Variants in SORCS1 observed in about 807,000 individuals in gnomAD.
SORCS1 encodes VPS10 domain-containing receptor SorCS1.
SORCS1 carries 60 observed loss-of-function variants against 146.1 expected under a neutral mutation model. The observed-to-expected ratio is 0.41, with a 90% CI of 0.33 to 0.51. The LOEUF (loss-of-function observed/expected upper bound fraction) is 0.51. Ranked by LOEUF, SORCS1 falls within the 20% of genes least tolerant of loss-of-function variation. SORCS1 has a pLI of 0.21. For missense variants in SORCS1, 1,352 were observed against 1,487.6 expected, an observed-to-expected ratio of 0.91 and a Z score of 1.50; for synonymous variants, 637 against 584.0, an observed-to-expected ratio of 1.09 and a Z score of -1.31.
At chr10:106,677,548 A>G (rs1852127611) in intron 12 of SORCS1, 144 bp from the exon 13 acceptor site, 1 of 672,330 alleles carries the variant, frequency 1.5e-6, no homozygotes, top group African/African-American at 1.8e-5. Context: ...AAAGCTATAG[A>G]ACAGTTCTTC....
At chr10:106,775,891 G>C (rs11193045) in intron 4 of SORCS1, among the ~76,000 whole-genome samples, 2 of 152,048 alleles carry the variant, frequency 1.3e-5, no homozygotes, top group Non-Finnish European at 2.9e-5. Context: ...TATATATGTC[G>C]TATAGAGTAC....
intron 1 of SORCS1, among the ~76,000 whole-genome samples, chr10:107,137,544 A>T (rs1414462172): frequency 2.6e-5 from 4 of 152,146 alleles, no homozygotes; most frequent in Non-Finnish European, 4.4e-5. Context: ...CTGTCCCAAA[A>T]CTGAAAACTA....
chr10:106,985,047 C>T (rs1956405357), intron 1 of SORCS1, among the ~76,000 whole-genome samples: 1 of 152,026 alleles, frequency 6.6e-6, no homozygotes, highest in African/African-American at 2.4e-5. Flanking sequence ...ATCAGCTGGG[C>T]ATGGTGGTGC....
chr10:107,131,543 C>A (rs184015698), intron 1 of SORCS1, among the ~76,000 whole-genome samples: 1 of 151,978 alleles, frequency 6.6e-6, no homozygotes, highest in Non-Finnish European at 1.5e-5. Flanking sequence ...GCCAACATGG[C>A]GAACCCCCCC....
At chr10:107,086,856 C>T (rs1171040517) in intron 1 of SORCS1, among the ~76,000 whole-genome samples, 2 of 152,140 alleles carry the variant, frequency 1.3e-5, no homozygotes, top group African/African-American at 2.4e-5. Context: ...GGTGAAACCT[C>T]GTCTCTAGTA....
At chr10:107,071,361 C>G (rs915417267) in intron 1 of SORCS1, among the ~76,000 whole-genome samples, 9 of 152,044 alleles carry the variant, frequency 5.9e-5, no homozygotes, top group African/African-American at 2.2e-4. Flanking sequence ...GAAAACTTAA[C>G]AAAAAGAAAA....
chr10:106,894,316 A>C (rs1229695593), intron 2 of SORCS1, among the ~76,000 whole-genome samples: 1 of 150,626 alleles, frequency 6.6e-6, no homozygotes, highest in African/African-American at 2.5e-5. Context: ...TGTAGGGAGA[A>C]TAGAAAGGCC....
At chr10:106,800,629 C>A (rs1234685504) in intron 3 of SORCS1, among the ~76,000 whole-genome samples, 1 of 151,264 alleles carries the variant, frequency 6.6e-6, no homozygotes, top group East Asian at 1.9e-4. Context: ...TCATGCCATT[C>A]CCCTACCTCA....
At chr10:106,873,483 ACT>A (rs1405212243) in intron 2 of SORCS1, among the ~76,000 whole-genome samples, 1 of 152,070 alleles carries the variant, frequency 6.6e-6, no homozygotes, top group Non-Finnish European at 1.5e-5. Context: ...TTCAGAAAAC[ACT>A]GTTTGAGGAA....
chr10:106,750,758 A>G (rs1275278083), intron 5 of SORCS1, among the ~76,000 whole-genome samples: 2 of 134,106 alleles, frequency 1.5e-5, no homozygotes, highest in South Asian at 2.4e-4. Flanking sequence ...AAAAAAAAAA[A>G]AAAGAAAAGA....
intron 18 of SORCS1, among the ~76,000 whole-genome samples, chr10:106,645,827 T>C (rs1325329403): frequency 1.3e-5 from 2 of 152,124 alleles, no homozygotes; most frequent in Non-Finnish European, 2.9e-5. Context: ...CTTTTTTCCC[T>C]CTAGGGCTTA....
chr10:106,919,616 C>A (rs1422838340), intron 2 of SORCS1, among the ~76,000 whole-genome samples: 2 of 152,160 alleles, frequency 1.3e-5, no homozygotes, highest in African/African-American at 4.8e-5. Context: ...ATTCCCTGCG[C>A]TATTTGGTTC....
chr10:106,801,514 T>C (rs928336229), intron 3 of SORCS1, among the ~76,000 whole-genome samples: 1 of 151,308 alleles, frequency 6.6e-6, no homozygotes, highest in Non-Finnish European at 1.5e-5. Flanking sequence ...CAGGAACTAT[T>C]AGTATAGCCA....
At chr10:107,145,121 C>T (rs912120922) in intron 1 of SORCS1, among the ~76,000 whole-genome samples, 2 of 152,126 alleles carry the variant, frequency 1.3e-5, no homozygotes, top group African/African-American at 2.4e-5. Context: ...CAGCAAACAA[C>T]GTGATAAACA....
chr10:107,036,397 G>C (rs1222863116), intron 1 of SORCS1, among the ~76,000 whole-genome samples: 4 of 152,094 alleles, frequency 2.6e-5, no homozygotes, highest in Non-Finnish European at 5.9e-5. Context: ...AATCTCTCAT[G>C]GATACTGAGG....
At chr10:106,967,118 A>AC (rs953694292) in intron 1 of SORCS1, among the ~76,000 whole-genome samples, 1 of 151,558 alleles carries the variant, frequency 6.6e-6, no homozygotes, top group Non-Finnish European at 1.5e-5. Flanking sequence ...CCACTCAAAA[A>AC]AAAAAAAAAT....
chr10:107,099,901 G>T (rs997528185), intron 1 of SORCS1, among the ~76,000 whole-genome samples: 1 of 152,138 alleles, frequency 6.6e-6, no homozygotes, highest in Non-Finnish European at 1.5e-5. Context: ...AACCTGGAGG[G>T]AATACAGATA....
chr10:106,951,186 T>A (rs745685850), intron 2 of SORCS1, among the ~76,000 whole-genome samples: 2 of 152,094 alleles, frequency 1.3e-5, no homozygotes, highest in Non-Finnish European at 2.9e-5. Flanking sequence ...CCCTCTCACC[T>A]TGACTGTCCA....
At chr10:106,859,374 C>A (rs992986374) in intron 2 of SORCS1, among the ~76,000 whole-genome samples, 1 of 152,140 alleles carries the variant, frequency 6.6e-6, no homozygotes, top group African/African-American at 2.4e-5. Context: ...TTCATTCATA[C>A]ACTTCAAGGC....
Sources: allele counts gnomAD v4.1 joint callset (sites outside exome capture counted in the v4.1 genomes callset), GRCh38; gene constraint gnomAD v4.1.1; transcripts MANE v1.5; gene names NCBI Gene and HGNC (gene_info 2026-07-23, HGNC 2026-07-21).